RSU1: variants seen among roughly 807,000 people sequenced by gnomAD.
The protein encoded by RSU1 is rsu-1.
RSU1 carries 26 observed loss-of-function variants against 31.1 expected under a neutral mutation model. That is an observed-to-expected ratio of 0.84 (90% CI 0.61 to 1.16). The LOEUF is 1.16. RSU1 is among the 50% of genes most tolerant of loss of function. The pLI is 0.00. For synonymous variants in RSU1, 164 were observed against 136.3 expected, an observed-to-expected ratio of 1.20 and a Z score of -1.41; for missense variants, 320 against 339.1, an observed-to-expected ratio of 0.94 and a Z score of 0.44.
At chr10:16,803,208 G>C (rs2131673411) in intron 2 of RSU1, among the ~76,000 whole-genome samples, 1 of 152,114 alleles carries the variant, frequency 6.6e-6, no homozygotes, top group South Asian at 2.1e-4. Context: ...AAAGGCAATT[G>C]CTTTTCTATA....
chr10:16,695,157 T>TGGGAG lies in RSU1; in HGVS notation c.599-3_599-2insCTCCC. 1 of 1,202,572 alleles carries TGGGAG rather than the reference T, an allele frequency of 8.3e-7. No homozygotes were observed. Among genetic ancestry groups the TGGGAG allele is most frequent in the Non-Finnish European group, 1.1e-6 (1 of 890,704 alleles). The allele number at this position is 1,202,572 out of a possible 1,614,324, so 74.5% of individuals were successfully genotyped here. A position where few individuals can be genotyped will look rare whatever the true frequency, so the allele number is the denominator to read the frequency against. On this transcript the variant is annotated splice_polypyrimidine_tract_variant and splice_region_variant and intron_variant, in intron 7 of 8. Transcript: ENST00000345264. Reference sequence around the variant, plus strand: ...TCTGGCCAGTTAAATCCAAGTTTCCTGGGGGGGGGGAAAAAAAAAGTGAAG... The same window carrying TGGGAG: ...TCTGGCCAGTTAAATCCAAGTTTCCTGGGAGGGGGGGGGGGAAAAAAAAAGTGAAG...
intron 2 of RSU1, among the ~76,000 whole-genome samples, chr10:16,797,273 G>A (rs1376736349): frequency 2.0e-5 from 3 of 152,118 alleles, no homozygotes; most frequent in African/African-American, 4.8e-5. Flanking sequence ...AAAATAAAAC[G>A]CTTTTAAAAA....
At chr10:16,729,671 T>C (rs1199297384) in intron 7 of RSU1, among the ~76,000 whole-genome samples, 1 of 152,136 alleles carries the variant, frequency 6.6e-6, no homozygotes, top group African/African-American at 2.4e-5. Flanking sequence ...TGCACTAGGA[T>C]TCAGATGGGT....
Position 16,759,881 on chromosome 10 carries a change from A to G in RSU1, c.281+4509T>C, listed in dbSNP as rs1490024412. Among the ~76,000 whole-genome samples, 5 of 152,164 alleles carry G rather than the reference A, an allele frequency of 3.3e-5. No homozygotes were observed. The East Asian group carries it at 7.7e-4, about 24-fold the overall frequency. On this transcript the variant is annotated intron_variant, in intron 4 of 8. Coordinates refer to ENST00000345264, the MANE Select transcript of RSU1 (RefSeq NM_012425.4). Reference sequence around the variant, plus strand: ...AAACTTTGAAAGCAAATTCTGATGGATCACACATACAAGTGGCTTCCCATC... The same window carrying G: ...AAACTTTGAAAGCAAATTCTGATGGGTCACACATACAAGTGGCTTCCCATC...
At chr10:16,712,801 C>T (rs1355906681) in intron 7 of RSU1, among the ~76,000 whole-genome samples, 3 of 152,110 alleles carry the variant, frequency 2.0e-5, no homozygotes, top group Non-Finnish European at 4.4e-5. Flanking sequence ...GTGAGTTTTA[C>T]ACCTTCACAT....
At chr10:16,799,108 A>G (rs566873215) in intron 2 of RSU1, among the ~76,000 whole-genome samples, 3 of 152,334 alleles carry the variant, frequency 2.0e-5, no homozygotes, top group South Asian at 2.1e-4. Flanking sequence ...CGTGAGGGCT[A>G]AAGGAGAGAC....
chr10:16,728,451 C>A (rs1349100013), intron 7 of RSU1, among the ~76,000 whole-genome samples: 1 of 152,192 alleles, frequency 6.6e-6, no homozygotes, highest in African/African-American at 2.4e-5. Flanking sequence ...GAGGCAGAAC[C>A]CTGCAGACCA....
Position 16,712,056 on chromosome 10 carries a change from T to G in RSU1, c.599-16901A>C, listed in dbSNP as rs192222378. 3.3e-5 allele frequency among the ~76,000 whole-genome samples: 5 copies of G among 152,340 alleles called. No individual in the cohort carries two copies. In the East Asian group the frequency reaches 9.6e-4, roughly 29 times the overall value. On this transcript the variant is annotated intron_variant, in intron 7 of 8. Transcript: ENST00000345264. ...ATGTATTTGTTACAATATTCTCTTA[T>G]TGAATTTATCCTTTAATCATGACAT...
At chr10:16,662,788 A>G (rs1348532837) in intron 8 of RSU1, among the ~76,000 whole-genome samples, 1 of 152,212 alleles carries the variant, frequency 6.6e-6, no homozygotes, top group Non-Finnish European at 1.5e-5. Context: ...AATTACAGAA[A>G]AAAATCGGGT....
intron 2 of RSU1, among the ~76,000 whole-genome samples, chr10:16,814,874 T>G (rs1033750617): frequency 5.3e-5 from 8 of 152,214 alleles, no homozygotes; most frequent in African/African-American, 1.9e-4. Context: ...TTCAAAGAGA[T>G]AACGGAGCTG....
Position 16,761,907 on chromosome 10 carries a change from C to T in RSU1, c.281+2483G>A, listed in dbSNP as rs534788657. ...CATTCACTCCATCTGAGATGCCTTC[C>T]TTCAACTTGTAAGTCTGAGAAATTC... On this transcript the variant is annotated intron_variant, in intron 4 of 8. Transcript: ENST00000345264. 2.6e-5 allele frequency among the ~76,000 whole-genome samples: 4 copies of T among 152,130 alleles called. No homozygotes were observed. In the East Asian group the frequency reaches 5.8e-4, roughly 22 times the overall value.
At chr10:16,814,836 GCTTTT>G in intron 2 of RSU1, among the ~76,000 whole-genome samples, 1 of 151,898 alleles carries the variant, frequency 6.6e-6, no homozygotes, top group African/African-American at 2.4e-5. Flanking sequence ...GAAGCAAGTG[GCTTTT>G]CTTCCTTAAT....
intron 3 of RSU1, among the ~76,000 whole-genome samples, chr10:16,769,930 G>T (rs1300508483): frequency 1.3e-5 from 2 of 152,166 alleles, no homozygotes; most frequent in African/African-American, 4.8e-5. Flanking sequence ...TTTATGGTAA[G>T]ATCACTGTTG....
chr10:16,691,022 T>C (rs1304603380), intron 8 of RSU1, among the ~76,000 whole-genome samples: 1 of 152,120 alleles, frequency 6.6e-6, no homozygotes, highest in African/African-American at 2.4e-5. Flanking sequence ...AAGTGAAAAT[T>C]AGGAACTATA....
At chr10:16,662,096 T>C (rs990801067) in intron 8 of RSU1, among the ~76,000 whole-genome samples, 1 of 152,242 alleles carries the variant, frequency 6.6e-6, no homozygotes, top group Admixed American at 6.5e-5. Context: ...TTAAAATTAG[T>C]TGACCATACA....
intron 7 of RSU1, among the ~76,000 whole-genome samples, chr10:16,733,542 T>A (rs1415587996): frequency 6.6e-6 from 1 of 151,808 alleles, no homozygotes; most frequent in South Asian, 2.1e-4. Context: ...GAAAACCCAA[T>A]GTTATTCAAA....
rs926171338 is a variant in RSU1, at chr10:16,674,393, C to A, written c.731+20630G>T. Among the ~76,000 whole-genome samples the A allele has an allele frequency of 2.1e-5, 3 of 141,042 alleles. No homozygotes were observed. The Admixed American group carries it at 2.2e-4, about 10-fold the overall frequency. 92.5% of individuals were successfully genotyped at this position (141,042 alleles called of 152,430 possible). On this transcript the variant is annotated intron_variant, in intron 8 of 8. Coordinates refer to ENST00000345264, the MANE Select transcript of RSU1 (RefSeq NM_012425.4). ...CTGAAAATGTGTCACGGATGTGTCACGGAAGGTTTTTTTTTTTTTTTTTTA... is the reference window on the plus strand; with the variant it reads ...CTGAAAATGTGTCACGGATGTGTCAAGGAAGGTTTTTTTTTTTTTTTTTTA...
intron 3 of RSU1, among the ~76,000 whole-genome samples, chr10:16,777,417 C>A (rs61843963): frequency 0.056 from 8,458 of 152,198 alleles, 297 homozygotes; most frequent in East Asian, 0.14. Context: ...TGAATATTTT[C>A]ATGGTAGGAG....
At chr10:16,750,178 T>C (rs538029017) in intron 7 of RSU1, among the ~76,000 whole-genome samples, 124 of 152,318 alleles carry the variant, frequency 8.1e-4, no homozygotes, top group African/African-American at 2.8e-3. Flanking sequence ...ATTAGTAGTA[T>C]ACTAATCTTG....
Sources: allele counts gnomAD v4.1 joint callset (sites outside exome capture counted in the v4.1 genomes callset), GRCh38; gene constraint gnomAD v4.1.1; transcripts MANE v1.5; gene names NCBI Gene and HGNC (gene_info 2026-07-23, HGNC 2026-07-21).